The following PRIM2 variants were observed in gnomAD, a reference collection of about 807,000 sequenced individuals.
PRIM2 encodes the protein DNA primase subunit 2.
Under a neutral mutation model 67.3 loss-of-function variants are expected in PRIM2, and 39 were observed. The ratio of observed to expected loss-of-function variants is 0.58; its 90% CI spans 0.45 to 0.76. PRIM2 has a LOEUF of 0.76. Ranked by LOEUF, PRIM2 falls within the 30% of genes least tolerant of loss-of-function variation. The probability of loss-of-function intolerance (pLI) is 0.00; values close to 1 mark genes in which losing one functional copy is unlikely to be tolerated. For missense variants in PRIM2, 398 were observed against 598.7 expected, an observed-to-expected ratio of 0.66 and a Z score of 3.50; for synonymous variants, 143 against 198.7, an observed-to-expected ratio of 0.72 and a Z score of 2.36.
intron 8 of PRIM2, among the ~76,000 whole-genome samples, chr6:57,522,513 T>C (rs1373904977): frequency 5.2e-4 from 79 of 152,300 alleles, no homozygotes; most frequent in Admixed American, 4.6e-4. Context: ...TCAAAATATC[T>C]TTTATTTATT....
chr6:57,452,526 G>A lies in PRIM2; in HGVS notation c.694-54861G>A, dbSNP rs1772591287. Among the ~76,000 whole-genome samples, 6 of 152,308 alleles carry A rather than the reference G, an allele frequency of 3.9e-5. No homozygotes were observed. The South Asian group carries it at 1.2e-3, about 32-fold the overall frequency. ...TTGTGGTTTTGATTTGCATTTCTCT[G>A]ATGGCCAGTGATGATGAGCGTTTTT... is the stretch of plus-strand genomic sequence containing the variant. On this transcript the variant is annotated intron_variant, in intron 7 of 13. Transcript: ENST00000615550.
upstream of PRIM2, among the ~76,000 whole-genome samples, chr6:57,310,604 G>A (rs536561687): frequency 1.5e-4 from 23 of 151,788 alleles, 1 homozygote; most frequent in South Asian, 2.7e-3. Flanking sequence ...TGGGGCGGCC[G>A]GGCAGAGGCG....
At chr6:57,635,150 A>C (rs1405695771) in intron 13 of PRIM2, among the ~76,000 whole-genome samples, 1 of 152,188 alleles carries the variant, frequency 6.6e-6, no homozygotes, top group Non-Finnish European at 1.5e-5. Context: ...GCACTATGAT[A>C]GTTCCATATG....
At chr6:57,570,906 A>G (rs1775850200) in intron 10 of PRIM2, among the ~76,000 whole-genome samples, 1 of 152,072 alleles carries the variant, frequency 6.6e-6, no homozygotes, top group Non-Finnish European at 1.5e-5. Flanking sequence ...CATTTTTTTT[A>G]TTAAAGTTAC....
At chr6:57,489,977 C>G (rs1773852706) in intron 7 of PRIM2, among the ~76,000 whole-genome samples, 1 of 143,036 alleles carries the variant, frequency 7.0e-6, no homozygotes. Flanking sequence ...GTGACTTTCT[C>G]CAATTGCTTT....
intron 7 of PRIM2, among the ~76,000 whole-genome samples, chr6:57,392,389 G>A (rs1359509780): frequency 6.6e-6 from 1 of 151,908 alleles, no homozygotes; most frequent in Non-Finnish European, 1.5e-5. Context: ...ATTAATAATA[G>A]CTGAATAGTG....
At chr6:57,487,733 T>C (rs1773788115) in intron 7 of PRIM2, among the ~76,000 whole-genome samples, 1 of 152,240 alleles carries the variant, frequency 6.6e-6, no homozygotes, top group Non-Finnish European at 1.5e-5. Flanking sequence ...AAATGTACTC[T>C]TAAAATAATT....
At chr6:57,392,368 C>CT (rs893829222) in intron 7 of PRIM2, among the ~76,000 whole-genome samples, 53 of 151,770 alleles carry the variant, frequency 3.5e-4, no homozygotes, top group Non-Finnish European at 6.8e-4. Context: ...CCCTTCATTT[C>CT]TTTTTTTTGA....
intron 5 of PRIM2, among the ~76,000 whole-genome samples, chr6:57,342,655 A>G (rs1581809619): frequency 6.6e-6 from 1 of 152,196 alleles, no homozygotes; most frequent in Non-Finnish European, 1.5e-5. Flanking sequence ...AATGGCAGGG[A>G]CAGTGAAAAT....
intron 7 of PRIM2, among the ~76,000 whole-genome samples, chr6:57,467,018 T>G (rs1418752407): frequency 1.0e-4 from 15 of 148,276 alleles, no homozygotes; most frequent in Non-Finnish European, 2.2e-4. Flanking sequence ...ACTAGGAGAA[T>G]CGCTTGAACC....
At chr6:57,538,863 G>T (rs1267950369) in intron 10 of PRIM2, among the ~76,000 whole-genome samples, 5 of 151,968 alleles carry the variant, frequency 3.3e-5, no homozygotes, top group African/African-American at 1.2e-4. Flanking sequence ...CTAGTCTTAC[G>T]GGATTAGGGC....
At chr6:57,439,031 A>C (rs1772107155) in intron 7 of PRIM2, among the ~76,000 whole-genome samples, 1 of 152,084 alleles carries the variant, frequency 6.6e-6, no homozygotes, top group Non-Finnish European at 1.5e-5. Context: ...TTTTTAAGGA[A>C]ATGTTGCATC....
the PRIM2 span, among the ~76,000 whole-genome samples, chr6:57,292,010 A>C: frequency 6.6e-5 from 10 of 152,312 alleles, no homozygotes; most frequent in African/African-American, 1.9e-4. Context: ...AATAGGCAAG[A>C]GAAAGAAATA....
chr6:57,288,391 C>A, the PRIM2 span, among the ~76,000 whole-genome samples: 1 of 152,322 alleles, frequency 6.6e-6, no homozygotes, highest in African/African-American at 2.4e-5. Context: ...AGGCAGCAGA[C>A]AGCTTCCGAA....
intron 7 of PRIM2, among the ~76,000 whole-genome samples, chr6:57,479,665 T>A (rs1773567325): frequency 6.6e-6 from 1 of 152,226 alleles, no homozygotes; most frequent in Non-Finnish European, 1.5e-5. Context: ...TTAAAGAACA[T>A]TCAAATGCGC....
chr6:57,401,515 T>G (rs1219598928), intron 7 of PRIM2, among the ~76,000 whole-genome samples: 3 of 152,164 alleles, frequency 2.0e-5, no homozygotes, highest in Non-Finnish European at 4.4e-5. Flanking sequence ...CCATGTTCCC[T>G]CTTAATGTGT....
the PRIM2 span, among the ~76,000 whole-genome samples, chr6:57,261,285 G>A: frequency 2.4e-4 from 37 of 152,272 alleles, 1 homozygote; most frequent in South Asian, 7.1e-3. Context: ...GGGACAAAAG[G>A]AGCCAGGCCA....
intron 3 of PRIM2, among the ~76,000 whole-genome samples, chr6:57,320,892 G>A (rs1027700476): frequency 1.7e-4 from 26 of 152,176 alleles, no homozygotes; most frequent in African/African-American, 5.8e-4. Flanking sequence ...TGCAATACAG[G>A]ATGATGACTG....
intron 7 of PRIM2, among the ~76,000 whole-genome samples, chr6:57,492,457 T>G (rs1468739135): frequency 2.0e-5 from 3 of 151,706 alleles, no homozygotes; most frequent in African/African-American, 7.3e-5. Flanking sequence ...GCAGGAGAAT[T>G]GCTTGAACCC....
Sources: allele counts gnomAD v4.1 joint callset (sites outside exome capture counted in the v4.1 genomes callset), GRCh38; gene constraint gnomAD v4.1.1; transcripts MANE v1.5; gene names NCBI Gene and HGNC (gene_info 2026-07-23, HGNC 2026-07-21).